MYO1H: variants seen among roughly 807,000 people sequenced by gnomAD.
The protein encoded by MYO1H is myosin IH.
Under a neutral mutation model 149.3 loss-of-function variants are expected in MYO1H, and 118 were observed. The observed-to-expected ratio is 0.79, with a 90% CI of 0.68 to 0.92. MYO1H has a LOEUF of 0.92. Ranked by LOEUF, MYO1H falls within the 40% of genes least tolerant of loss-of-function variation. MYO1H has a pLI of 0.00. For missense variants in MYO1H, 1,212 were observed against 1,280.7 expected (o/e 0.95, Z 0.82); for synonymous variants, 447 against 465.2 (o/e 0.96, Z 0.50).
At chr12:109,344,179 C>G (rs2048095270), upstream of MYO1H, among the ~76,000 whole-genome samples, 1 of 152,142 alleles carries the variant, frequency 6.6e-6, no homozygotes. Flanking sequence ...TTCATCACAT[C>G]ACATTAAGGG....
Position 109,361,815 on chromosome 12 carries a change from A to G in MYO1H, c.12+13843A>G, listed in dbSNP as rs369961729. On this transcript the variant is annotated intron_variant, in intron 1 of 31. Coordinates refer to ENST00000310903, the Ensembl canonical transcript of MYO1H. ...TGACAGAGCAAGACCTTGTCTCACA[A>G]AAAAAAAAAAAAAAAAAAAAAAAAA... is the stretch of plus-strand genomic sequence containing the variant. Among the ~76,000 whole-genome samples the G allele has an allele frequency of 2.7e-3, 161 of 60,658 alleles. 1 individual carries two copies. Among genetic ancestry groups the G allele is most frequent in the African/African-American group, 8.1e-3 (155 of 19,104 alleles). The allele number at this position is 60,658 out of a possible 152,430, so 39.8% of individuals were successfully genotyped here.
intron 19 of MYO1H, among the ~76,000 whole-genome samples, chr12:109,430,138 C>T (rs1363953316): frequency 2.6e-5 from 4 of 152,168 alleles, no homozygotes; most frequent in African/African-American, 9.7e-5. Flanking sequence ...CAGTCCATAG[C>T]ATTCAGGGAA....
the MYO1H span, among the ~76,000 whole-genome samples, chr12:109,322,414 C>A: frequency 6.6e-6 from 1 of 152,128 alleles, no homozygotes; most frequent in Non-Finnish European, 1.5e-5. Context: ...TTAATTTAAC[C>A]GTATTAATGC....
At chr12:109,427,896 AAAAAAAAAAAAAAATATATAT>A (rs1871423746) in intron 19 of MYO1H, among the ~76,000 whole-genome samples, 2 of 73,954 alleles carry the variant, frequency 2.7e-5, no homozygotes, top group Admixed American at 1.4e-4. Context: ...AAAAAAAAAA[AAAAAAAAAAAAAAATATATAT>A]ATATATATAT....
At chr12:109,327,265 G>A in the MYO1H span, among the ~76,000 whole-genome samples, 2 of 150,726 alleles carry the variant, frequency 1.3e-5, no homozygotes, top group Admixed American at 6.6e-5. Context: ...CAAAGTAGCT[G>A]GGATTATGGG....
chr12:109,378,909 G>A (rs1161153737), intron 1 of MYO1H, among the ~76,000 whole-genome samples: 1 of 152,106 alleles, frequency 6.6e-6, no homozygotes, highest in African/African-American at 2.4e-5. Context: ...TTCAACAAAT[G>A]TTGAAGAAAG....
At chr12:109,390,815 G>A (rs1214313782) in intron 2 of MYO1H, among the ~76,000 whole-genome samples, 3 of 151,978 alleles carry the variant, frequency 2.0e-5, no homozygotes, top group Non-Finnish European at 2.9e-5. Flanking sequence ...ACAGGCATCC[G>A]CCACCACGCC....
intron 8 of MYO1H, among the ~76,000 whole-genome samples, chr12:109,406,339 G>A (rs1036378728): frequency 2.0e-5 from 3 of 152,002 alleles, no homozygotes; most frequent in Admixed American, 2.0e-4. Context: ...AATGGCTCAT[G>A]CCTGTGATCC....
At position 109,438,708 on chromosome 12, in the gene MYO1H, A is replaced by G. The variant is rs886675124; in HGVS notation, c.2294+88A>G. ...CATGGAGGTAGATGAGTTCTTTGTG[A>G]TTTTTTGATTTGTGCAGAAAGGAAA... is the stretch of plus-strand genomic sequence containing the variant. On this transcript the variant is annotated intron_variant, in intron 23 of 31. Transcript: ENST00000310903. 9.0e-6 allele frequency: 9 copies of G among 1,000,776 alleles called. No homozygotes were observed. In the Admixed American group the frequency reaches 1.1e-4, roughly 12 times the overall value. 62.0% of individuals were successfully genotyped at this position (1,000,776 alleles called of 1,614,324 possible).
chr12:109,392,061 TA>T (rs1274590319), intron 2 of MYO1H, among the ~76,000 whole-genome samples: 2 of 152,256 alleles, frequency 1.3e-5, no homozygotes, highest in Non-Finnish European at 1.5e-5. Context: ...CTCTTTAGTT[TA>T]ATTAGATCCC....
At chr12:109,446,998 A>G (rs1217456994) in intron 31 of MYO1H, 161 bp from the exon 32 acceptor site, 1 of 705,252 alleles carries the variant, frequency 1.4e-6, no homozygotes, top group African/African-American at 1.8e-5. Flanking sequence ...GGCCTCGATG[A>G]GCCAGTTTCT....
intron 1 of MYO1H, among the ~76,000 whole-genome samples, chr12:109,374,854 A>G (rs1869056278): frequency 7.3e-6 from 1 of 137,626 alleles, no homozygotes; most frequent in African/African-American, 2.8e-5. Flanking sequence ...TGTATTGGCC[A>G]TTTGATTTTT....
the MYO1H span, among the ~76,000 whole-genome samples, chr12:109,318,972 G>GTTTTTTTTTTTTTTTTTTTTTTTTTTTTT: frequency 1.3e-5 from 1 of 77,258 alleles, no homozygotes; most frequent in African/African-American, 4.7e-5. Context: ...TTTTGGTTTT[G>GTTTTTTTTTTTTTTTTTTTTTTTTTTTTT]TTTTTTTTTT....
At chr12:109,402,255 C>T (rs568303244) in intron 6 of MYO1H, among the ~76,000 whole-genome samples, 1 of 152,338 alleles carries the variant, frequency 6.6e-6, no homozygotes, top group African/African-American at 2.4e-5. Context: ...AGGCACGTCT[C>T]AGCATTTGAT....
chr12:109,418,421 C>T (rs1592806876), intron 15 of MYO1H, among the ~76,000 whole-genome samples: 3 of 151,604 alleles, frequency 2.0e-5, no homozygotes, highest in Admixed American at 2.0e-4. Context: ...TGATCTTGGC[C>T]CACTGCAACC....
upstream of MYO1H, among the ~76,000 whole-genome samples, chr12:109,346,346 A>G (rs2048102398): frequency 6.6e-6 from 1 of 152,248 alleles, no homozygotes. Context: ...CCTGGAACCA[A>G]TCCCCCACAG....
At chr12:109,362,873 G>A (rs1334183415) in intron 1 of MYO1H, among the ~76,000 whole-genome samples, 1 of 152,230 alleles carries the variant, frequency 6.6e-6, no homozygotes, top group Non-Finnish European at 1.5e-5. Flanking sequence ...ATATCTTGCA[G>A]TCCATCAGTT....
the MYO1H span, among the ~76,000 whole-genome samples, chr12:109,326,155 A>G: frequency 1.1e-4 from 16 of 152,320 alleles, no homozygotes; most frequent in African/African-American, 3.4e-4. Context: ...CTCGGGCACA[A>G]CCTGCTGGCC....
chr12:109,443,067 T>TAC lies in MYO1H; in HGVS notation c.2689-447_2689-446insAC, dbSNP rs1239405007. Among the ~76,000 whole-genome samples the TAC allele has an allele frequency of 7.3e-5, 6 of 81,810 alleles. 1 individual carries two copies. The highest frequency in any genetic ancestry group is 1.2e-4 in the Admixed American group (1 of 8,658). 53.7% of individuals were successfully genotyped at this position (81,810 alleles called of 152,430 possible). The stretch of plus-strand genomic sequence containing the variant: ...GTGTGTATATATGTGTACGTATGTG[T>TAC]GTATATATGTGTACGTATGTGTGTA... On this transcript the variant is annotated intron_variant, in intron 27 of 31. Transcript: ENST00000310903.
Sources: allele counts gnomAD v4.1 joint callset (sites outside exome capture counted in the v4.1 genomes callset), GRCh38; gene constraint gnomAD v4.1.1; transcripts MANE v1.5; gene names NCBI Gene and HGNC (gene_info 2026-07-23, HGNC 2026-07-21).